Variants in ZNF567 observed in about 807,000 individuals in gnomAD.
The protein encoded by ZNF567 is zinc finger protein 567.
In ZNF567, 36 loss-of-function variants were observed where a neutral mutation model predicts 53.9. That is an observed-to-expected ratio of 0.67 (90% confidence interval 0.51 to 0.88). The LOEUF is 0.88. Ranked by LOEUF, ZNF567 falls within the 40% of genes least tolerant of loss-of-function variation. ZNF567 has a pLI of 0.00. For missense variants in ZNF567, 619 were observed against 764.7 expected (o/e 0.81, Z 2.25); for synonymous variants, 224 against 260.4 (o/e 0.86, Z 1.35).
chr19:36,700,821 T>G (rs1001966389), intron 3 of ZNF567, among the ~76,000 whole-genome samples: 2 of 152,216 alleles, frequency 1.3e-5, no homozygotes, highest in African/African-American at 4.8e-5. Flanking sequence ...CTTTTTTTCT[T>G]TATTAGTCTT....
At chr19:36,677,458 C>CAA in the ZNF567 span, among the ~76,000 whole-genome samples, 1,409 of 50,820 alleles carry the variant, frequency 0.028, 164 homozygotes, top group Non-Finnish European at 0.033. Context: ...GACTCTGTCT[C>CAA]AAAAAAAAAA....
At chr19:36,676,827 G>A in the ZNF567 span, among the ~76,000 whole-genome samples, 1 of 152,108 alleles carries the variant, frequency 6.6e-6, no homozygotes, top group Non-Finnish European at 1.5e-5. Context: ...ATACCAGCCT[G>A]GGCAACATGG....
At chr19:36,713,291 C>CA (rs572105258) in intron 5 of ZNF567, among the ~76,000 whole-genome samples, 4 of 151,638 alleles carry the variant, frequency 2.6e-5, no homozygotes, top group Middle Eastern at 3.4e-3. Context: ...CCCATCTTTA[C>CA]AAAAAAAATA....
At chr19:36,710,706 G>T (rs146615974) in intron 3 of ZNF567, among the ~76,000 whole-genome samples, 3 of 152,086 alleles carry the variant, frequency 2.0e-5, no homozygotes, top group Non-Finnish European at 4.4e-5. Flanking sequence ...AGATTTGGGG[G>T]CTCACGTCCT....
At chr19:36,715,478 A>AAATAATAAT (rs200738092) in intron 5 of ZNF567, among the ~76,000 whole-genome samples, 178 of 120,424 alleles carry the variant, frequency 1.5e-3, no homozygotes, top group African/African-American at 4.5e-3. Context: ...ATTTAACTCA[A>AAATAATAAT]AATAATAATA....
At chr19:36,668,869 A>G in the ZNF567 span, 1 of 152,166 alleles carries the variant, frequency 6.6e-6, no homozygotes, top group Non-Finnish European at 1.5e-5. Context: ...GAGAAAGTAG[A>G]GTGAAATATA....
chr19:36,697,724 G>A (rs2038956717), intron 3 of ZNF567, among the ~76,000 whole-genome samples: 1 of 151,268 alleles, frequency 6.6e-6, no homozygotes, highest in Non-Finnish European at 1.5e-5. Flanking sequence ...CGATTCTGGT[G>A]CGTCAGCCTC....
upstream of ZNF567, among the ~76,000 whole-genome samples, chr19:36,684,716 G>A (rs1019688466): frequency 2.0e-5 from 3 of 152,106 alleles, no homozygotes; most frequent in Non-Finnish European, 2.9e-5. Context: ...CTTCACATAG[G>A]CAAAGAAATG....
chr19:36,711,838 A>ATTTTTT (rs1832280904), intron 3 of ZNF567: 1 of 152,418 alleles, frequency 6.6e-6, no homozygotes, highest in Non-Finnish European at 1.5e-5. Flanking sequence ...AAATAAATAC[A>ATTTTTT]GTTTTTGGCA....
Position 36,719,396 on chromosome 19 carries a change from C to A in ZNF567, c.672C>A (p.Gly224=), listed in dbSNP as rs1048363715. 1 of 1,613,642 alleles carries A rather than the reference C, an allele frequency of 6.2e-7. No individual in the cohort carries two copies. The highest frequency in any genetic ancestry group is 8.5e-7 in the Non-Finnish European group (1 of 1,179,916). The change falls in exon 6 of 6, where the codon GGC becomes GGA. Residue 224 remains glycine (G), a synonymous_variant. Coordinates refer to ENST00000682579, the MANE Select transcript of ZNF567 (RefSeq NM_001322917.1). ...AGAAATCATTCCTTCAAAGGGGAGG[C>A]CTGATTACACATAGTAGACCTTACA... ...DCEKSFLQRG[G]LITHSRPYKG...
chr19:36,669,138 G>A, the ZNF567 span: 6 of 152,228 alleles, frequency 3.9e-5, no homozygotes, highest in African/African-American at 1.2e-4. Flanking sequence ...TGCAAATACC[G>A]TGTTCATTTT....
In ZNF567 at chr19:36,687,830, G is replaced by A. The variant is rs137980743; in HGVS notation, c.-168+196G>A. 1,369 of 152,764 alleles carry A rather than the reference G, an allele frequency of 9.0e-3. 15 individuals carry two copies. The highest frequency in any genetic ancestry group is 0.033 in the Middle Eastern group (10 of 300). 9.5% of individuals were successfully genotyped at this position (152,764 alleles called of 1,614,324 possible). A position where few individuals can be genotyped will look rare whatever the true frequency, so the allele number is the denominator to read the frequency against. ...CTGGGAGGGAAGCAGGAACCAGAGC[G>A]CGGGCCCGGGAGCACCTGAAGAAGG... is the stretch of plus-strand genomic sequence containing the variant. On this transcript the variant is annotated intron_variant, in intron 1 of 5. Transcript: ENST00000682579.
At chr19:36,707,173 T>G (rs970230327) in intron 3 of ZNF567, among the ~76,000 whole-genome samples, 8 of 152,136 alleles carry the variant, frequency 5.3e-5, no homozygotes, top group African/African-American at 1.9e-4. Flanking sequence ...ATTGAGAAAT[T>G]TTTTATGATT....
intron 2 of ZNF567, among the ~76,000 whole-genome samples, chr19:36,693,457 C>A (rs1202352943): frequency 2.0e-5 from 3 of 151,844 alleles, no homozygotes; most frequent in African/African-American, 4.8e-5. Flanking sequence ...GACCCTGTCT[C>A]AAAAATAAAA....
At chr19:36,716,960 G>A (rs1218305085) in intron 5 of ZNF567, among the ~76,000 whole-genome samples, 1 of 152,076 alleles carries the variant, frequency 6.6e-6, no homozygotes, top group Non-Finnish European at 1.5e-5. Flanking sequence ...GGAGTAGCTG[G>A]GAGTACAGGT....
At chr19:36,685,334 G>A (rs1458641330), upstream of ZNF567, 1 of 152,214 alleles carries the variant, frequency 6.6e-6, no homozygotes, top group Non-Finnish European at 1.5e-5. Flanking sequence ...ATAAATGTAT[G>A]TAGGTGTTAT....
At chr19:36,715,509 AATTATT>A (rs747530916) in intron 5 of ZNF567, among the ~76,000 whole-genome samples, 50 of 45,814 alleles carry the variant, frequency 1.1e-3, no homozygotes, top group Non-Finnish European at 1.5e-3. Flanking sequence ...TAATAATAAT[AATTATT>A]ATTATTATTA....
intron 2 of ZNF567, among the ~76,000 whole-genome samples, chr19:36,694,506 C>T (rs76403080): frequency 0.093 from 14,076 of 152,106 alleles, 838 homozygotes; most frequent in Non-Finnish European, 0.14. Context: ...ACAGCCTTAA[C>T]GGAGAGCAGC....
intron 3 of ZNF567, among the ~76,000 whole-genome samples, chr19:36,710,243 A>G (rs1460413154): frequency 1.2e-5 from 1 of 85,820 alleles, no homozygotes; most frequent in Non-Finnish European, 2.5e-5. Context: ...TATTTCAGTT[A>G]TTTCTTTGAA....
Sources: gnomAD v4.1 joint callset for allele counts (sites outside exome capture counted in the v4.1 genomes callset) on GRCh38, gnomAD v4.1.1 for gene constraint, MANE v1.5 for transcripts, NCBI Gene and HGNC (gene_info 2026-07-23, HGNC 2026-07-21) for gene names.